Variants in MAU2 observed in about 807,000 individuals in gnomAD.
The protein encoded by MAU2 is MAU2 sister chromatid cohesion factor, also known as MAU2 chromatid cohesion factor homolog.
A neutral mutation model predicts 89.1 loss-of-function variants in MAU2; 9 were observed. That is an observed-to-expected ratio of 0.10 (90% CI 0.06 to 0.18). The LOEUF is 0.18. Among genes scored for constraint, MAU2 ranks in the 10% least tolerant of loss-of-function variants. The pLI is 1.00. For synonymous variants in MAU2, 357 were observed against 343.4 expected, an observed-to-expected ratio of 1.04 and a Z score of -0.44; for missense variants, 425 against 803.5, an observed-to-expected ratio of 0.53 and a Z score of 5.69.
chr19:19,351,344 C>T (rs891525767), intron 16 of MAU2, among the ~76,000 whole-genome samples: 10 of 151,578 alleles, frequency 6.6e-5, no homozygotes, highest in Admixed American at 6.6e-4. Context: ...CTGTGCCTGG[C>T]CCTAGAGATG....
rs554570233 is a variant in MAU2, at chr19:19,356,578, G to A, written c.*796G>A. Reference sequence around the variant, plus strand: ...TTGTGGCTGCTGAGGGGCAGGAAGCGGGGGAGTGGGCTCGTCTCCTAAATT... The same window carrying A: ...TTGTGGCTGCTGAGGGGCAGGAAGCAGGGGAGTGGGCTCGTCTCCTAAATT... On this transcript the variant is annotated 3_prime_UTR_variant, in exon 19 of 19. Transcript: ENST00000262815. The A allele has an allele frequency of 1.1e-4, 17 of 158,548 alleles. No individual in the cohort carries two copies. The South Asian group carries it at 1.3e-3, about 12-fold the overall frequency. 9.8% of individuals were successfully genotyped at this position (158,548 alleles called of 1,614,324 possible). A position where few individuals can be genotyped will look rare whatever the true frequency, so the allele number is the denominator to read the frequency against.
At chr19:19,327,351 A>C (rs1228751355) in intron 1 of MAU2, among the ~76,000 whole-genome samples, 1 of 147,418 alleles carries the variant, frequency 6.8e-6, no homozygotes, top group East Asian at 2.0e-4. Flanking sequence ...TTTGAGACAG[A>C]GTCTCGCTCT....
rs182046838 is a variant in MAU2, at chr19:19,355,924, C to T, written c.*142C>T. On this transcript the variant is annotated 3_prime_UTR_variant, in exon 19 of 19. Coordinates refer to ENST00000262815, the MANE Select transcript of MAU2 (RefSeq NM_015329.4). The stretch of plus-strand genomic sequence containing the variant: ...AGTCCTGGGAATGTGCGGGGCCAGT[C>T]CCTGCCCTCCCAGGAGGGGTGGTAG... The T allele has an allele frequency of 1.5e-4, 120 of 826,378 alleles. No individual in the cohort carries two copies. In the East Asian group the frequency reaches 3.0e-3, roughly 21 times the overall value. 51.2% of individuals were successfully genotyped at this position (826,378 alleles called of 1,614,324 possible).
Position 19,341,328 on chromosome 19 carries a change from A to G in MAU2, c.656A>G (p.Gln219Arg). Residue 219 changes from glutamine to arginine, a missense_variant, in exon 7 of 19, where the codon CAG (glutamine) becomes CGG (arginine). Transcript: ENST00000262815. ...TLCGQIVENW[Q>R]GNPIQKESLR... ...TGCGGGCAGATCGTGGAGAACTGGC[A>G]GGGGAACCCCATCCAGAAGGAGTCG... The G allele has an allele frequency of 6.2e-7, 1 of 1,613,748 alleles. No individual in the cohort carries two copies. The highest frequency in any genetic ancestry group is 8.5e-7 in the Non-Finnish European group (1 of 1,180,006).
In MAU2 at chr19:19,320,885, CCCA is replaced by C; in HGVS notation, c.27_29del (p.Gln10del). The C allele has an allele frequency of 6.7e-7, 1 of 1,483,298 alleles. No homozygotes were observed. Among genetic ancestry groups the C allele is most frequent in the Non-Finnish European group, 9.1e-7 (1 of 1,100,176 alleles). 91.9% of individuals were successfully genotyped at this position (1,483,298 alleles called of 1,614,324 possible). A position where few individuals can be genotyped will look rare whatever the true frequency, so the allele number is the denominator to read the frequency against. ...ATGGCGGCTCAGGCGGCGGCAGCGG[CCCA>C]GGCGGCGGCGGCCCAGGCTGCGCAG... is the stretch of plus-strand genomic sequence containing the variant. On this transcript the variant is annotated inframe_deletion, in exon 1 of 19. Transcript: ENST00000262815.
intron 16 of MAU2, among the ~76,000 whole-genome samples, chr19:19,349,798 T>C (rs2146705062): frequency 6.6e-6 from 1 of 152,178 alleles, no homozygotes; most frequent in African/African-American, 2.4e-5. Flanking sequence ...AGGTGTCTCC[T>C]CTCAGCCGGA....
rs985616139 is a variant in MAU2 at position 19,358,096 on chromosome 19, A to G, written c.*2314A>G. On this transcript the variant is annotated 3_prime_UTR_variant, in exon 19 of 19. Transcript: ENST00000262815. Reference sequence around the variant, plus strand: ...CTTTGTCTCAAAAAAAAAAAAAAAAACAATGGAAGGCAGACAGCAAGTCCC... The same window carrying G: ...CTTTGTCTCAAAAAAAAAAAAAAAAGCAATGGAAGGCAGACAGCAAGTCCC... The G allele has an allele frequency of 3.9e-4, 60 of 151,954 alleles. No individual in the cohort carries two copies. Among genetic ancestry groups the G allele is most frequent in the Admixed American group, 2.2e-3 (34 of 15,224 alleles). The allele number at this position is 151,954 out of a possible 1,614,324, so 9.4% of individuals were successfully genotyped here.
chr19:19,323,593 ACCT>A (rs1278813367), intron 1 of MAU2, among the ~76,000 whole-genome samples: 3 of 151,574 alleles, frequency 2.0e-5, no homozygotes, highest in Non-Finnish European at 4.4e-5. Flanking sequence ...TGCAGCCTTG[ACCT>A]CCTGGGCTCA....
At position 19,357,972 on chromosome 19, in the gene MAU2, A is replaced by C. The variant is rs1055673515; in HGVS notation, c.*2190A>C. On this transcript the variant is annotated 3_prime_UTR_variant, in exon 19 of 19. Coordinates refer to ENST00000262815, the MANE Select transcript of MAU2 (RefSeq NM_015329.4). Reference sequence around the variant, plus strand: ...GTGGCGCATGCCTGTAGTCCCAGCTAACTGGGAGGCTGAGGCAGGAGGATC... The same window carrying C: ...GTGGCGCATGCCTGTAGTCCCAGCTCACTGGGAGGCTGAGGCAGGAGGATC... The C allele has an allele frequency of 6.6e-6, 1 of 152,020 alleles. No individual in the cohort carries two copies. The highest frequency in any genetic ancestry group is 1.5e-5 in the Non-Finnish European group (1 of 68,076). The allele number at this position is 152,020 out of a possible 1,614,324, so 9.4% of individuals were successfully genotyped here.
chr19:19,342,716 G>T, intron 8 of MAU2, 35 bp downstream of exon 8: 1 of 1,613,346 alleles, frequency 6.2e-7, no homozygotes, highest in Non-Finnish European at 8.5e-7. Flanking sequence ...CAGGGCTGGG[G>T]GCGGGGGCAG....
At chr19:19,348,593 C>T in intron 13 of MAU2, 1 of 554,208 alleles carries the variant, frequency 1.8e-6, no homozygotes. Context: ...GCCAACCTAC[C>T]CACTGCCAGG....
chr19:19,326,788 G>A (rs964416903), intron 1 of MAU2, among the ~76,000 whole-genome samples: 3 of 144,378 alleles, frequency 2.1e-5, no homozygotes, highest in African/African-American at 7.6e-5. Context: ...CAGCTACTCA[G>A]GAGGCTAAGG....
At position 19,321,109 on chromosome 19, in the gene MAU2, C is replaced by A. The variant is rs1344928684; in HGVS notation, c.250C>A (p.Gln84Lys). Residue 84 changes from glutamine to lysine, a missense_variant, in exon 1 of 19, where the codon CAG (glutamine) becomes AAG (lysine). Coordinates refer to ENST00000262815, the MANE Select transcript of MAU2 (RefSeq NM_015329.4). The part of the protein sequence containing the change: ...VLYHHTKNSE[Q>K]ARSHLEKAWL... ...CTATCACCACACCAAGAACAGCGAG[C>A]AGGCGCGCAGCCACCTGGAGAAGGC... 11 of 1,599,398 alleles carry A rather than the reference C, an allele frequency of 6.9e-6. No individual in the cohort carries two copies. In the African/African-American group the frequency reaches 9.6e-5, roughly 14 times the overall value.
rs199701123 is a variant in MAU2 at position 19,355,227 on chromosome 19, G to C, written c.1640-37G>C. 1,047 of 1,612,648 alleles carry C rather than the reference G, an allele frequency of 6.5e-4. 3 individuals are homozygous for C. The highest frequency in any genetic ancestry group is 2.9e-4 in the Non-Finnish European group (339 of 1,179,650). On this transcript the variant is annotated intron_variant, in intron 17 of 18. Coordinates refer to ENST00000262815, the MANE Select transcript of MAU2 (RefSeq NM_015329.4). ...AGTGGGAGGGCCTGGGCAGTGACAGGGCAAGGCGGGCCCCCATGCTCATGT... is the reference window on the plus strand; with the variant it reads ...AGTGGGAGGGCCTGGGCAGTGACAGCGCAAGGCGGGCCCCCATGCTCATGT...
chr19:19,355,593 G>T (rs2146715565), intron 18 of MAU2, 115 bp from the exon 19 acceptor site: 1 of 1,210,334 alleles, frequency 8.3e-7, no homozygotes, highest in Non-Finnish European at 1.2e-6. Flanking sequence ...TTGGACTGGG[G>T]CATGGAGAAC....
At position 19,356,288 on chromosome 19, in the gene MAU2, C is replaced by T. The variant is rs370144014; in HGVS notation, c.*506C>T. The T allele has an allele frequency of 1.9e-4, 67 of 348,638 alleles. 1 individual carries two copies. The East Asian group carries it at 2.9e-3, about 15-fold the overall frequency. The allele number at this position is 348,638 out of a possible 1,614,324, so 21.6% of individuals were successfully genotyped here. A position where few individuals can be genotyped will look rare whatever the true frequency, so the allele number is the denominator to read the frequency against. ...AAGAAGTAATGGCGCTAGTGTGGGACGAAGCACAGATCCCAGCACTTTTCC... is the reference window on the plus strand; with the variant it reads ...AAGAAGTAATGGCGCTAGTGTGGGATGAAGCACAGATCCCAGCACTTTTCC... On this transcript the variant is annotated 3_prime_UTR_variant, in exon 19 of 19. Coordinates refer to ENST00000262815, the MANE Select transcript of MAU2 (RefSeq NM_015329.4).
chr19:19,335,050 G>T (rs1291630028), intron 1 of MAU2, among the ~76,000 whole-genome samples: 1 of 152,198 alleles, frequency 6.6e-6, no homozygotes, highest in Admixed American at 6.6e-5. Flanking sequence ...GGACTAGCCT[G>T]GGAACTGTTG....
chr19:19,350,407 C>T (rs1034333771), intron 16 of MAU2, among the ~76,000 whole-genome samples: 1 of 148,746 alleles, frequency 6.7e-6, no homozygotes, highest in Non-Finnish European at 1.5e-5. Context: ...AGTTCAAGAC[C>T]AGCCTGGTCA....
rs1403880697 is a variant in MAU2 at position 19,355,187 on chromosome 19, G to C, written c.1640-77G>C. 2.4e-5 allele frequency: 38 copies of C among 1,578,076 alleles called. 1 individual carries two copies. The South Asian group carries it at 2.9e-4, about 12-fold the overall frequency. On this transcript the variant is annotated intron_variant, in intron 17 of 18. Coordinates refer to ENST00000262815, the MANE Select transcript of MAU2 (RefSeq NM_015329.4). ...AGTGCAGCTGGGACTTGACCTTAGG[G>C]CTCCATCTGCACCGAGTGGGAGGGC...
Sources: gnomAD v4.1 joint callset for allele counts (sites outside exome capture counted in the v4.1 genomes callset) on GRCh38, gnomAD v4.1.1 for gene constraint, MANE v1.5 for transcripts, NCBI Gene and HGNC (gene_info 2026-07-23, HGNC 2026-07-21) for gene names.